IGLL1: variants seen among roughly 807,000 people sequenced by gnomAD.
IGLL1 encodes the protein immunoglobulin lambda like polypeptide 1.
Under a neutral mutation model 10.5 loss-of-function variants are expected in IGLL1, and 10 were observed. The observed-to-expected ratio is 0.95, with a 90% CI of 0.59 to 1.62. IGLL1 has a LOEUF of 1.62. Among genes scored for constraint, IGLL1 ranks in the 40% most tolerant of loss-of-function variants. The pLI, the probability that IGLL1 is intolerant of heterozygous loss-of-function variation, is 0.00. For synonymous variants in IGLL1, 141 were observed against 122.7 expected (o/e 1.15, Z -0.99); for missense variants, 284 against 278.7 (o/e 1.02, Z -0.14).
At chr22:23,578,782 C>CT (rs943658915) in intron 1 of IGLL1, among the ~76,000 whole-genome samples, 13 of 152,110 alleles carry the variant, frequency 8.5e-5, no homozygotes, top group South Asian at 2.1e-4. Context: ...TGGTGAAACT[C>CT]TGTCTTTACT....
intron 1 of IGLL1, among the ~76,000 whole-genome samples, chr22:23,576,200 C>T (rs1925051700): frequency 6.6e-6 from 1 of 152,010 alleles, no homozygotes; most frequent in African/African-American, 2.4e-5. Context: ...ACCCCTCAGC[C>T]AGAAACCTGG....
chr22:23,578,442 G>A lies in IGLL1; in HGVS notation c.206+1543C>T, dbSNP rs922279532. On this transcript the variant is annotated intron_variant, in intron 1 of 2. Coordinates refer to ENST00000330377, the MANE Select transcript of IGLL1 (RefSeq NM_020070.4). ...CCTCTGGGACCTCAGCCCCAGCACA[G>A]AGCCTGACCCTGATGGGGACTCCTT... 2.0e-5 allele frequency among the ~76,000 whole-genome samples: 3 copies of A among 152,144 alleles called. 1 individual carries two copies. Among genetic ancestry groups the A allele is most frequent in the Admixed American group, 2.0e-4 (3 of 15,262 alleles).
rs1383314538 is a variant in IGLL1 at position 23,573,134 on chromosome 22, G to C, written c.*132C>G. On this transcript the variant is annotated 3_prime_UTR_variant, in exon 3 of 3. Transcript: ENST00000330377. ...AAGAGAGGGAGCAGGATTTCTGGTT[G>C]ACAAAGAGGGTATTTATTTAGGGTT... 7.9e-6 allele frequency: 6 copies of C among 760,050 alleles called. No homozygotes were observed. The highest frequency in any genetic ancestry group is 1.3e-5 in the Non-Finnish European group (6 of 450,526). The allele number at this position is 760,050 out of a possible 1,614,324, so 47.1% of individuals were successfully genotyped here. A position where few individuals can be genotyped will look rare whatever the true frequency, so the allele number is the denominator to read the frequency against.
At chr22:23,576,555 C>T (rs999981789) in intron 1 of IGLL1, among the ~76,000 whole-genome samples, 10 of 152,064 alleles carry the variant, frequency 6.6e-5, no homozygotes, top group East Asian at 1.9e-4. Context: ...TTCAGCCTCC[C>T]GAGTAGCTGG....
chr22:23,575,175 G>C lies in IGLL1; in HGVS notation c.207-93C>G. The C allele has an allele frequency of 3.4e-6, 3 of 870,494 alleles. No homozygotes were observed. In the South Asian group the frequency reaches 3.9e-5, roughly 11 times the overall value. 53.9% of individuals were successfully genotyped at this position (870,494 alleles called of 1,614,324 possible). On this transcript the variant is annotated intron_variant, in intron 1 of 2. Coordinates refer to ENST00000330377, the MANE Select transcript of IGLL1 (RefSeq NM_020070.4). ...GCCAGTGTCCCAGTAGTGTCCCCCA[G>C]TAGTGTCTCTGTGCCTGTCCCTTCT...
At position 23,580,186 on chromosome 22, in the gene IGLL1, C is replaced by T. The variant is rs1236663187; in HGVS notation, c.5G>A (p.Arg2Lys). 5.8e-6 allele frequency: 9 copies of T among 1,539,002 alleles called. No homozygotes were observed. In the East Asian group the frequency reaches 1.9e-4, roughly 33 times the overall value. The change falls in exon 1 of 3, where the codon AGG (arginine) becomes AAG (lysine). Residue 2 changes from arginine (R) to lysine (K), a missense_variant. Physicochemically the swap from Arg to Lys is conservative, Grantham distance 26. Transcript: ENST00000330377. M[R>K]PGTGQGGLEA... The stretch of plus-strand genomic sequence containing the variant: ...AAGGCCCCCCTGGCCTGTCCCTGGC[C>T]TCATCGGCCCTCAGGGTCAGAGGTC...
rs1030941737 is a variant in IGLL1 at position 23,576,361 on chromosome 22, A to C, written c.207-1279T>G. ...CCTGGCAACAGAGCAAGACTGTCCC[A>C]AAAAAAAAAAAAAAAAAAAAGAAGT... On this transcript the variant is annotated intron_variant, in intron 1 of 2. Transcript: ENST00000330377. 8.1e-3 allele frequency among the ~76,000 whole-genome samples: 397 copies of C among 49,130 alleles called. 1 individual carries two copies. The highest frequency in any genetic ancestry group is 0.012 in the African/African-American group (41 of 3,546). 32.2% of individuals were successfully genotyped at this position (49,130 alleles called of 152,430 possible).
chr22:23,576,109 C>T (rs1162603972), intron 1 of IGLL1, among the ~76,000 whole-genome samples: 1 of 152,100 alleles, frequency 6.6e-6, no homozygotes, highest in Admixed American at 6.5e-5. Context: ...AAACTAATCA[C>T]GTCCAGAGGA....
rs1466171157 is a variant in IGLL1 at position 23,580,161 on chromosome 22, A to G, written c.30T>C (p.Leu10=). The G allele has an allele frequency of 6.5e-7, 1 of 1,547,134 alleles. No individual in the cohort carries two copies. The highest frequency in any genetic ancestry group is 1.2e-5 in the South Asian group (1 of 84,392). ...TGGGGCCTGGCTCACCAGGGGCCTCAAGGCCCCCCTGGCCTGTCCCTGGCC... is the reference window on the plus strand; with the variant it reads ...TGGGGCCTGGCTCACCAGGGGCCTCGAGGCCCCCCTGGCCTGTCCCTGGCC... MRPGTGQGG[L]EAPGEPGPNL... The change falls in exon 1 of 3, where the codon CTT becomes CTC. Residue 10 remains leucine, a synonymous_variant. Coordinates refer to ENST00000330377, the MANE Select transcript of IGLL1 (RefSeq NM_020070.4).
Position 23,580,183 on chromosome 22 carries a change from G to A in IGLL1, c.8C>T (p.Pro3Leu), listed in dbSNP as rs767860445. Residue 3 changes from proline (P) to leucine (L), a missense_variant, in exon 1 of 3, where the codon CCA becomes CTA. By Grantham distance (98) the Pro-to-Leu change is moderately conservative. Transcript: ENST00000330377. Reference protein sequence around the residue: MRPGTGQGGLEAP... With the variant: MRLGTGQGGLEAP... The stretch of plus-strand genomic sequence containing the variant: ...CTCAAGGCCCCCCTGGCCTGTCCCT[G>A]GCCTCATCGGCCCTCAGGGTCAGAG... 2 of 1,539,884 alleles carry A rather than the reference G, an allele frequency of 1.3e-6. No individual in the cohort carries two copies. Among genetic ancestry groups the A allele is most frequent in the African/African-American group, 2.7e-5 (2 of 73,216 alleles).
In IGLL1 at chr22:23,573,437, G is replaced by C; in HGVS notation, c.471C>G (p.Thr157=). The C allele has an allele frequency of 1.9e-6, 3 of 1,614,016 alleles. No individual in the cohort carries two copies. Among genetic ancestry groups the C allele is most frequent in the Non-Finnish European group, 2.5e-6 (3 of 1,179,902 alleles). The change falls in exon 3 of 3, where the codon ACC becomes ACG. Residue 157 remains threonine, a synonymous_variant. Transcript: ENST00000330377. The stretch of plus-strand genomic sequence containing the variant: ...AGGGCGTGGTCATCTCCACGCCCTG[G>C]GTGATGGGGGTACCATCTGCCTTCC... ...VTWKADGTPI[T]QGVEMTTPSK... is the part of the protein sequence containing the mutation.
chr22:23,580,045 G>A lies in IGLL1; in HGVS notation c.146C>T (p.Ala49Val), dbSNP rs1266891783. ...TCCTCCAGGGGCTCCAGGGCCCAGG[G>A]CCCTGCTCTGCGATGCAGCTGTTGG... ...LRPTAASQSR[A>V]LGPGAPGGSS... Residue 49 changes from alanine (A) to valine (V), a missense_variant, in exon 1 of 3, where the codon GCC becomes GTC. By Grantham distance (64) the Ala-to-Val change is moderately conservative. Coordinates refer to ENST00000330377, the MANE Select transcript of IGLL1 (RefSeq NM_020070.4). 2 of 1,575,542 alleles carry A rather than the reference G, an allele frequency of 1.3e-6. No homozygotes were observed. Among genetic ancestry groups the A allele is most frequent in the Non-Finnish European group, 1.7e-6 (2 of 1,163,834 alleles).
At chr22:23,574,180 C>T (rs1335468216) in intron 2 of IGLL1, among the ~76,000 whole-genome samples, 2 of 148,018 alleles carry the variant, frequency 1.4e-5, no homozygotes, top group African/African-American at 5.3e-5. Context: ...GCCCCCATGC[C>T]CACCCCAGCA....
At chr22:23,579,589 A>G (rs928172085) in intron 1 of IGLL1, among the ~76,000 whole-genome samples, 166 of 117,142 alleles carry the variant, frequency 1.4e-3, no homozygotes, top group East Asian at 9.5e-3. Context: ...GGAAAAGAGG[A>G]GGGGGGGGAG....
chr22:23,579,591 G>T (rs921285351), intron 1 of IGLL1, among the ~76,000 whole-genome samples: 4 of 151,876 alleles, frequency 2.6e-5, no homozygotes, highest in East Asian at 2.0e-4. Flanking sequence ...AAAAGAGGAG[G>T]GGGGGGAGGA....
chr22:23,576,360 C>T (rs1272752123), intron 1 of IGLL1, among the ~76,000 whole-genome samples: 4 of 67,114 alleles, frequency 6.0e-5, no homozygotes, highest in African/African-American at 2.3e-4. Context: ...AAGACTGTCC[C>T]AAAAAAAAAA....
At chr22:23,575,256 T>TG (rs1217702575) in intron 1 of IGLL1, among the ~76,000 whole-genome samples, 174 bp from the exon 2 acceptor site, 1 of 152,136 alleles carries the variant, frequency 6.6e-6, no homozygotes, top group Non-Finnish European at 1.5e-5. Context: ...TTGGTGCTGA[T>TG]GGCAACGCTG....
rs1925227079 is a variant in IGLL1, at chr22:23,579,518, A to G, written c.206+467T>C. 8.0e-5 allele frequency among the ~76,000 whole-genome samples: 12 copies of G among 150,626 alleles called. No individual in the cohort carries two copies. In the South Asian group the frequency reaches 2.5e-3, roughly 32 times the overall value. On this transcript the variant is annotated intron_variant, in intron 1 of 2. Transcript: ENST00000330377. ...GAAAGGCCCCTCACACCTTAGCTGG[A>G]GCTCCAGGGAGTGGCCCCTGCCCAG...
chr22:23,575,351 G>A (rs1161782296), intron 1 of IGLL1, among the ~76,000 whole-genome samples: 1 of 152,152 alleles, frequency 6.6e-6, no homozygotes, highest in East Asian at 1.9e-4. Flanking sequence ...CAGCTGGCTC[G>A]GACCTGTCCA....
Sources: allele counts gnomAD v4.1 joint callset (sites outside exome capture counted in the v4.1 genomes callset), GRCh38; gene constraint gnomAD v4.1.1; transcripts MANE v1.5; gene names NCBI Gene and HGNC (gene_info 2026-07-23, HGNC 2026-07-21).